FHL2: variants seen among roughly 807,000 people sequenced by gnomAD.
FHL2 encodes four and a half LIM domains 2.
Under a neutral mutation model 32.7 loss-of-function variants are expected in FHL2, and 20 were observed. That is an observed-to-expected ratio of 0.61 (90% CI 0.43 to 0.89). The LOEUF is 0.89. Ranked by LOEUF, FHL2 falls within the 40% of genes least tolerant of loss-of-function variation. FHL2 has a pLI of 0.00. For synonymous variants in FHL2, 123 were observed against 128.1 expected (o/e 0.96, Z 0.27); for missense variants, 311 against 358.6 (o/e 0.87, Z 1.07).
intron 3 of FHL2, among the ~76,000 whole-genome samples, chr2:105,381,163 C>T (rs554893626): frequency 3.9e-5 from 6 of 152,248 alleles, no homozygotes; most frequent in East Asian, 1.9e-4. Context: ...CAGATCCATA[C>T]GATTTCACTT....
rs189951041 is a variant in FHL2, at chr2:105,364,910, T to C, written c.502-1439A>G. 1.2e-3 allele frequency among the ~76,000 whole-genome samples: 177 copies of C among 152,346 alleles called. 1 individual carries two copies. The highest frequency in any genetic ancestry group is 4.0e-3 in the African/African-American group (165 of 41,586). On this transcript the variant is annotated intron_variant, in intron 5 of 6. Transcript: ENST00000530340. ...GACTCCCTTCTATCTTGTATTCTTT[T>C]CATTAAACCATAAATCATGAAGCAT... is the stretch of plus-strand genomic sequence containing the variant.
chr2:105,382,134 C>T (rs1387785184), intron 3 of FHL2, among the ~76,000 whole-genome samples: 1 of 152,210 alleles, frequency 6.6e-6, no homozygotes, highest in Non-Finnish European at 1.5e-5. Flanking sequence ...GAGACTTTTA[C>T]AGCCAATTTG....
At chr2:105,425,117 T>A (rs1684219448) in intron 1 of FHL2, among the ~76,000 whole-genome samples, 2 of 152,326 alleles carry the variant, frequency 1.3e-5, no homozygotes, top group East Asian at 3.9e-4. Context: ...ACCTGTACTT[T>A]AAACAATTGC....
intron 1 of FHL2, among the ~76,000 whole-genome samples, chr2:105,415,801 A>T (rs1683915091): frequency 1.3e-5 from 2 of 152,202 alleles, no homozygotes; most frequent in Admixed American, 6.5e-5. Context: ...TGTGGCCCTA[A>T]CCCCAAGTTA....
At chr2:105,414,337 G>C (rs572796090) in intron 1 of FHL2, among the ~76,000 whole-genome samples, 9 of 152,148 alleles carry the variant, frequency 5.9e-5, no homozygotes, top group African/African-American at 2.2e-4. Context: ...TAGACCATTG[G>C]CCACTAGTGA....
At chr2:105,431,339 G>C (rs1684424878) in intron 1 of FHL2, among the ~76,000 whole-genome samples, 2 of 152,164 alleles carry the variant, frequency 1.3e-5, no homozygotes, top group Non-Finnish European at 2.9e-5. Context: ...ATATGTAGGT[G>C]GATGTGTATA....
intron 1 of FHL2, among the ~76,000 whole-genome samples, chr2:105,425,778 G>T (rs1462462280): frequency 6.6e-6 from 1 of 152,086 alleles, no homozygotes; most frequent in Non-Finnish European, 1.5e-5. Context: ...TTATGACATA[G>T]ATTCTTTTGC....
At chr2:105,362,337 G>T (rs1323761469) in intron 6 of FHL2, among the ~76,000 whole-genome samples, 1 of 152,188 alleles carries the variant, frequency 6.6e-6, no homozygotes, top group Non-Finnish European at 1.5e-5. Context: ...AATGAGCTCT[G>T]CATTACACAT....
intron 3 of FHL2, chr2:105,386,123 T>G (rs1339204692): frequency 2.2e-6 from 1 of 461,094 alleles, no homozygotes; most frequent in East Asian, 3.2e-5. Flanking sequence ...ATACAGAAAA[T>G]GTACTTAGAG....
intron 1 of FHL2, among the ~76,000 whole-genome samples, chr2:105,426,368 G>A (rs1382270125): frequency 1.3e-5 from 2 of 152,146 alleles, no homozygotes; most frequent in East Asian, 3.8e-4. Flanking sequence ...CCTTAACCAG[G>A]CTCCATAATT....
intron 3 of FHL2, chr2:105,377,800 G>A (rs1346712688): frequency 1.5e-5 from 5 of 333,348 alleles, no homozygotes; most frequent in Non-Finnish European, 3.0e-5. Context: ...GTCTGGCTGG[G>A]ACAAGAGACC....
Position 105,361,182 on chromosome 2 carries a change from A to C in FHL2, c.*101T>G, listed in dbSNP as rs939760066. 1 of 1,216,252 alleles carries C rather than the reference A, an allele frequency of 8.2e-7. No individual in the cohort carries two copies. The highest frequency in any genetic ancestry group is 2.1e-5 in the Admixed American group (1 of 48,056). 75.3% of individuals were successfully genotyped at this position (1,216,252 alleles called of 1,614,324 possible). A position where few individuals can be genotyped will look rare whatever the true frequency, so the allele number is the denominator to read the frequency against. On this transcript the variant is annotated 3_prime_UTR_variant, in exon 7 of 7. Transcript: ENST00000530340. ...CTGAAAAGCACTAGAAGAAAGTCTC[A>C]ATGTGGCTGGAAGAAACCAGAAGGC...
chr2:105,412,833 C>T (rs941033388), intron 1 of FHL2, among the ~76,000 whole-genome samples: 9 of 152,124 alleles, frequency 5.9e-5, no homozygotes, highest in African/African-American at 2.2e-4. Context: ...CGTGGCAGCA[C>T]AGTGGCTGTT....
intron 1 of FHL2, among the ~76,000 whole-genome samples, chr2:105,427,835 A>G (rs1573408429): frequency 6.6e-6 from 1 of 152,186 alleles, no homozygotes; most frequent in East Asian, 1.9e-4. Flanking sequence ...CCCGAGAACC[A>G]GCAGTTACAC....
At chr2:105,423,270 A>C (rs56258802) in intron 1 of FHL2, among the ~76,000 whole-genome samples, 6,100 of 152,306 alleles carry the variant, frequency 0.04, 398 homozygotes, top group African/African-American at 0.14. Flanking sequence ...TTACAGTTCG[A>C]TTTTGAATTA....
intron 1 of FHL2, among the ~76,000 whole-genome samples, chr2:105,397,312 C>A (rs190732314): frequency 6.6e-6 from 1 of 152,230 alleles, no homozygotes; most frequent in Admixed American, 6.5e-5. Flanking sequence ...TTTTCAGTGT[C>A]TTTACCTGTA....
chr2:105,406,627 C>T (rs1429393860), intron 1 of FHL2, among the ~76,000 whole-genome samples: 2 of 152,070 alleles, frequency 1.3e-5, no homozygotes, highest in Non-Finnish European at 2.9e-5. Context: ...GCTTCTGGTC[C>T]CTTGAATTTC....
At chr2:105,377,844 T>G (rs1681588855) in intron 3 of FHL2, 2 of 352,072 alleles carry the variant, frequency 5.7e-6, no homozygotes, top group South Asian at 2.2e-5. Context: ...GGGGAGGAGA[T>G]CCTTGGCCTC....
chr2:105,363,329 T>C lies in FHL2; in HGVS notation c.644A>G (p.Asp215Gly), dbSNP rs758618755. 6.2e-7 allele frequency: 1 copy of C among 1,614,142 alleles called. No homozygotes were observed. The highest frequency in any genetic ancestry group is 8.5e-7 in the Non-Finnish European group (1 of 1,180,016). ...CCCAGCACACTTCTTGGCATACAAG[T>C]CACAGAAGCAGTTCAGGCAGTAGGC... is the stretch of plus-strand genomic sequence containing the variant. ...DFAYCLNCFC[D>G]LYAKKCAGCT... The change falls in exon 6 of 7, where the codon GAC (aspartate) becomes GGC (glycine). Residue 215 changes from aspartate to glycine, a missense_variant. Asp to Gly is a moderately conservative substitution (Grantham distance 94, BLOSUM62 -1). Coordinates refer to ENST00000530340, the MANE Select transcript of FHL2 (RefSeq NM_001318895.3).
Sources: allele counts gnomAD v4.1 joint callset (sites outside exome capture counted in the v4.1 genomes callset), GRCh38; gene constraint gnomAD v4.1.1; transcripts MANE v1.5; gene names NCBI Gene and HGNC (gene_info 2026-07-23, HGNC 2026-07-21).